BCAS3: variants seen among roughly 807,000 people sequenced by gnomAD.
The protein encoded by BCAS3 is BCAS3 microtubule associated cell migration factor.
Under a neutral mutation model 116.1 loss-of-function variants are expected in BCAS3, and 53 were observed. The ratio of observed to expected loss-of-function variants is 0.46; its 90% CI spans 0.37 to 0.57. The LOEUF is 0.57. Ranked by LOEUF, BCAS3 falls within the 20% of genes least tolerant of loss-of-function variation. BCAS3 has a pLI of 0.00. For synonymous variants in BCAS3, 391 were observed against 408.2 expected (o/e 0.96, Z 0.51); for missense variants, 917 against 1,165.4 (o/e 0.79, Z 3.10).
In BCAS3 at chr17:60,993,243, AG is replaced by A. The variant is rs1473630177; in HGVS notation, c.1486+3009del. ...AATATACTTTTGTTGAAGGTTGCAA[AG>A]TGCCAGTCAATGAAGGATTTCATCA... On this transcript the variant is annotated intron_variant, in intron 15 of 23. Transcript: ENST00000407086. The surrounding 1 kb of genome is among the most constrained non-coding windows in gnomAD (Gnocchi z 4.2). Among the ~76,000 whole-genome samples, 2 of 152,228 alleles carry A rather than the reference AG, an allele frequency of 1.3e-5. No individual in the cohort carries two copies.
rs1048950240 is a variant in BCAS3, at chr17:61,198,849, G to T, written c.2425+114285G>T. On this transcript the variant is annotated intron_variant, in intron 22 of 23. Transcript: ENST00000407086. This position sits in a 1 kb window ranked among gnomAD's most constrained non-coding sequence, Gnocchi z 5.0. Reference sequence around the variant, plus strand: ...CCAAATGTTTTCTTAGATTGATGTGGATTGGTTTAACGTAATTGGAAGTTT... The same window carrying T: ...CCAAATGTTTTCTTAGATTGATGTGTATTGGTTTAACGTAATTGGAAGTTT... Among the ~76,000 whole-genome samples the T allele has an allele frequency of 2.0e-5, 3 of 152,160 alleles. No homozygotes were observed. Among genetic ancestry groups the T allele is most frequent in the Admixed American group, 6.5e-5 (1 of 15,270 alleles).
At chr17:61,076,018 C>A (rs995818181) in intron 20 of BCAS3, among the ~76,000 whole-genome samples, 1 of 152,092 alleles carries the variant, frequency 6.6e-6, no homozygotes, top group Non-Finnish European at 1.5e-5. Context: ...GTTGGCCTCC[C>A]AAAGTGCTGG....
rs183510127 is a variant in BCAS3 at position 61,299,375 on chromosome 17, G to A, written c.2426-68952G>A. Among the ~76,000 whole-genome samples the A allele has an allele frequency of 2.5e-3, 378 of 149,778 alleles. 3 individuals carry two copies. The highest frequency in any genetic ancestry group is 6.9e-3 in the Middle Eastern group (2 of 288). On this transcript the variant is annotated intron_variant, in intron 22 of 23. Transcript: ENST00000407086. The stretch of plus-strand genomic sequence containing the variant: ...GGAGAATGGCGTGAACCTGGGAGGC[G>A]GAGCTTGCAGTGAGCTGAGGTTGCA...
At chr17:61,060,105 CCT>C (rs2069831316) in intron 19 of BCAS3, among the ~76,000 whole-genome samples, 1 of 151,484 alleles carries the variant, frequency 6.6e-6, no homozygotes, top group Admixed American at 6.6e-5. Flanking sequence ...GTAAACCAGA[CCT>C]AAATATATTT....
chr17:61,143,276 G>A (rs2077018469), intron 22 of BCAS3, among the ~76,000 whole-genome samples: 1 of 152,096 alleles, frequency 6.6e-6, no homozygotes, highest in Admixed American at 6.6e-5. Flanking sequence ...CACTAGTAGG[G>A]TTTTTAACAC....
At chr17:61,240,191 A>G (rs1009181211) in intron 22 of BCAS3, among the ~76,000 whole-genome samples, 6 of 152,182 alleles carry the variant, frequency 3.9e-5, no homozygotes, top group Non-Finnish European at 8.8e-5. Context: ...GGCACTCTAC[A>G]GACATAATTT....
At chr17:60,791,457 T>C (rs2046761216) in intron 6 of BCAS3, among the ~76,000 whole-genome samples, 1 of 152,114 alleles carries the variant, frequency 6.6e-6, no homozygotes, top group Non-Finnish European at 1.5e-5. Flanking sequence ...AGTTTAAGAC[T>C]AGCCTGGGCA....
Position 60,962,117 on chromosome 17 carries a change from G to A in BCAS3, c.1221+14765G>A, listed in dbSNP as rs1450314777. Among the ~76,000 whole-genome samples the A allele has an allele frequency of 6.6e-6, 1 of 151,742 alleles. No homozygotes were observed. Among genetic ancestry groups the A allele is most frequent in the African/African-American group, 2.4e-5 (1 of 41,268 alleles). On this transcript the variant is annotated intron_variant, in intron 14 of 23. Coordinates refer to ENST00000407086, the MANE Select transcript of BCAS3 (RefSeq NM_017679.5). The surrounding 1 kb of genome is among the most constrained non-coding windows in gnomAD (Gnocchi z 4.4). ...ACTCTTAGAGTGATTCCATATTTTGGCTATTGTGAACAGTGCTGCAATAAA... is the reference window on the plus strand; with the variant it reads ...ACTCTTAGAGTGATTCCATATTTTGACTATTGTGAACAGTGCTGCAATAAA...
intron 14 of BCAS3, among the ~76,000 whole-genome samples, chr17:60,979,152 A>T (rs2062622745): frequency 6.6e-6 from 1 of 151,224 alleles, no homozygotes; most frequent in Non-Finnish European, 1.5e-5. Context: ...ATGTTCTTCC[A>T]TTTGTTTGTA....
At chr17:60,740,510 A>G (rs1460467405) in intron 5 of BCAS3, among the ~76,000 whole-genome samples, 2 of 151,536 alleles carry the variant, frequency 1.3e-5, no homozygotes, top group Admixed American at 1.3e-4. Flanking sequence ...AAAAAAAAAA[A>G]AAAAAGAAAA....
rs780970051 is a variant in BCAS3 at position 60,990,214 on chromosome 17, C to T, written c.1465C>T (p.Pro489Ser). The T allele has an allele frequency of 6.2e-7, 1 of 1,614,002 alleles. No individual in the cohort carries two copies. The highest frequency in any genetic ancestry group is 2.2e-5 in the East Asian group (1 of 44,880). ...CCCTGTTCCAGGTCTATCAAGCAGCCCTTCTGGGTCACCCTTGCATGGTAA... is the reference window on the plus strand; with the variant it reads ...CCCTGTTCCAGGTCTATCAAGCAGCTCTTCTGGGTCACCCTTGCATGGTAA... ...CSPVPGLSSSPSGSPLHGKLN... is the reference protein window; with the variant it reads ...CSPVPGLSSSSSGSPLHGKLN... Residue 489 changes from proline to serine, a missense_variant, in exon 15 of 24, where the codon CCT becomes TCT. Around this residue, in one of 3 missense-constraint regions of BCAS3, gnomAD observed 807 missense variants for 1,026.0 expected, o/e 0.79. Transcript: ENST00000407086. This position sits in a 1 kb window ranked among gnomAD's most constrained non-coding sequence, Gnocchi z 5.1.
intron 6 of BCAS3, among the ~76,000 whole-genome samples, chr17:60,759,767 C>T: frequency 6.6e-6 from 1 of 152,034 alleles, no homozygotes; most frequent in East Asian, 1.9e-4. Context: ...TAAGCTGAAG[C>T]AGTCCTTCCA....
chr17:61,050,165 T>C (rs2068727660), intron 19 of BCAS3, among the ~76,000 whole-genome samples: 1 of 151,962 alleles, frequency 6.6e-6, no homozygotes, highest in African/African-American at 2.4e-5. Flanking sequence ...AAAGAAGTTA[T>C]CAGCTTCATA....
At chr17:60,718,288 C>G (rs1049576997) in intron 5 of BCAS3, among the ~76,000 whole-genome samples, 4 of 151,980 alleles carry the variant, frequency 2.6e-5, no homozygotes, top group Non-Finnish European at 4.4e-5. Context: ...AGGCAACCCT[C>G]AGAACCAGAA....
intron 13 of BCAS3, among the ~76,000 whole-genome samples, chr17:60,926,160 G>C (rs1360892196): frequency 2.0e-5 from 3 of 151,954 alleles, no homozygotes; most frequent in African/African-American, 7.2e-5. Context: ...GAGGATTTTG[G>C]TTTTTCAGAT....
At chr17:61,314,922 A>G (rs559223456) in intron 22 of BCAS3, among the ~76,000 whole-genome samples, 18 of 152,210 alleles carry the variant, frequency 1.2e-4, no homozygotes, top group African/African-American at 4.3e-4. Flanking sequence ...TTCCTTTGTG[A>G]GAAATGTTGA....
chr17:61,164,892 A>ATG (rs2078395815), intron 22 of BCAS3, among the ~76,000 whole-genome samples: 1 of 152,232 alleles, frequency 6.6e-6, no homozygotes, highest in Non-Finnish European at 1.5e-5. Context: ...ATTCATAAGC[A>ATG]TGTTCTGTGT....
chr17:61,141,392 C>CA lies in BCAS3; in HGVS notation c.2425+56835dup, dbSNP rs1365613654. Among the ~76,000 whole-genome samples the CA allele has an allele frequency of 6.6e-6, 1 of 151,726 alleles. No individual in the cohort carries two copies. Among genetic ancestry groups the CA allele is most frequent in the Non-Finnish European group, 1.5e-5 (1 of 67,922 alleles). On this transcript the variant is annotated intron_variant, in intron 22 of 23. Transcript: ENST00000407086. This position sits in a 1 kb window ranked among gnomAD's most constrained non-coding sequence, Gnocchi z 4.3. The stretch of plus-strand genomic sequence containing the variant: ...GGGCAACATACCAAGACTCTGTCTA[C>CA]AAAAAAAGTGTTAAAAGTAACCAGG...
rs1285370981 is a variant in BCAS3, at chr17:61,098,928, TC to T, written c.2425+14366del. On this transcript the variant is annotated intron_variant, in intron 22 of 23. Coordinates refer to ENST00000407086, the MANE Select transcript of BCAS3 (RefSeq NM_017679.5). This position sits in a 1 kb window ranked among gnomAD's most constrained non-coding sequence, Gnocchi z 4.2. ...TCACCAGGTCAGGAGATCGAGATCATCCTGGCTAACACGGTGAAACCCCATC... is the reference window on the plus strand; with the variant it reads ...TCACCAGGTCAGGAGATCGAGATCATCTGGCTAACACGGTGAAACCCCATC... Among the ~76,000 whole-genome samples the T allele has an allele frequency of 6.6e-6, 1 of 151,966 alleles. No individual in the cohort carries two copies. The highest frequency in any genetic ancestry group is 6.6e-5 in the Admixed American group (1 of 15,256).
Sources: allele counts gnomAD v4.1 joint callset (sites outside exome capture counted in the v4.1 genomes callset), GRCh38; gene constraint gnomAD v4.1.1; regional missense constraint gnomAD v4.1.1; non-coding constraint Gnocchi (gnomAD v3.1); transcripts MANE v1.5; gene names NCBI Gene and HGNC (gene_info 2026-07-23, HGNC 2026-07-21).